DDX19B: variants seen among roughly 807,000 people sequenced by gnomAD.
DDX19B encodes the protein ATP-dependent RNA helicase DDX19B.
Under a neutral mutation model 58.1 loss-of-function variants are expected in DDX19B, and 27 were observed. The observed-to-expected ratio is 0.46, with a 90% CI of 0.34 to 0.64. The LOEUF is 0.64. Among genes scored for constraint, DDX19B ranks in the 30% least tolerant of loss-of-function variants. The pLI is 0.01. For missense variants in DDX19B, 399 were observed against 596.5 expected, an observed-to-expected ratio of 0.67 and a Z score of 3.45; for synonymous variants, 187 against 214.4, an observed-to-expected ratio of 0.87 and a Z score of 1.12.
intron 9 of DDX19B, among the ~76,000 whole-genome samples, chr16:70,331,068 A>C (rs1337273597): frequency 1.3e-5 from 2 of 152,170 alleles, no homozygotes; most frequent in Non-Finnish European, 2.9e-5. Flanking sequence ...TAAAATTTTA[A>C]AATATATATG....
In DDX19B at chr16:70,333,762, T is replaced by A. The variant is rs1058453; in HGVS notation, c.*180T>A. 1.2e-6 allele frequency: 1 copy of A among 868,316 alleles called. No homozygotes were observed. The highest frequency in any genetic ancestry group is 1.8e-6 in the Non-Finnish European group (1 of 552,610). The allele number at this position is 868,316 out of a possible 1,614,324, so 53.8% of individuals were successfully genotyped here. On this transcript the variant is annotated 3_prime_UTR_variant, in exon 12 of 12. Coordinates refer to ENST00000288071, the MANE Select transcript of DDX19B (RefSeq NM_007242.7). The stretch of plus-strand genomic sequence containing the variant: ...AATGTATGCAAATGATGGGGGATGG[T>A]AGAAAAAAATTATTTACACAACCTT...
In DDX19B at chr16:70,333,938, G is replaced by T; in HGVS notation, c.*356G>T. On this transcript the variant is annotated 3_prime_UTR_variant, in exon 12 of 12. Transcript: ENST00000288071. ...GCCTCTGCTTGTTCTCTGGCTTGGA[G>T]TGGATGGGGCAGCCTCCAGCTCCTG... The T allele has an allele frequency of 2.8e-6, 1 of 363,590 alleles. No homozygotes were observed. The highest frequency in any genetic ancestry group is 5.1e-6 in the Non-Finnish European group (1 of 195,162). The allele number at this position is 363,590 out of a possible 1,614,324, so 22.5% of individuals were successfully genotyped here. A position where few individuals can be genotyped will look rare whatever the true frequency, so the allele number is the denominator to read the frequency against.
intron 1 of DDX19B, among the ~76,000 whole-genome samples, chr16:70,307,562 C>G (rs1961824582): frequency 6.7e-6 from 1 of 150,092 alleles, no homozygotes. Context: ...GGGGTTTCAT[C>G]ATGTTGCCCA....
chr16:70,332,027 CTGTT>C, intron 10 of DDX19B, 143 bp downstream of exon 10: 2 of 1,302,296 alleles, frequency 1.5e-6, no homozygotes, highest in Non-Finnish European at 2.0e-6. Context: ...CTAGGAGAGA[CTGTT>C]TGGATTTCCC....
upstream of DDX19B, among the ~76,000 whole-genome samples, chr16:70,298,342 G>T (rs1961309899): frequency 6.6e-6 from 1 of 151,898 alleles, no homozygotes; most frequent in Non-Finnish European, 1.5e-5. Context: ...GGAGGTGGAG[G>T]TTGCAGTGAG....
At chr16:70,292,745 G>A (rs1961093305), upstream of DDX19B, among the ~76,000 whole-genome samples, 1 of 152,142 alleles carries the variant, frequency 6.6e-6, no homozygotes, top group Admixed American at 6.6e-5. Context: ...GCATGAGAAA[G>A]ATAACCAAAG....
At chr16:70,320,333 C>T (rs975093715) in intron 5 of DDX19B, among the ~76,000 whole-genome samples, 5 of 150,466 alleles carry the variant, frequency 3.3e-5, no homozygotes, top group Admixed American at 6.7e-5. Context: ...GTCTTAATCT[C>T]GTGGCCTCAA....
rs566027585 is a variant in DDX19B at position 70,322,919 on chromosome 16, C to G, written c.390-1666C>G. Among the ~76,000 whole-genome samples, 17 of 151,198 alleles carry G rather than the reference C, an allele frequency of 1.1e-4. No individual in the cohort carries two copies. In the East Asian group the frequency reaches 2.9e-3, roughly 26 times the overall value. On this transcript the variant is annotated intron_variant, in intron 5 of 11. Transcript: ENST00000288071. ...AAAAAAAAAAAAAAAAAAAAAGTCC[C>G]CATAAGGAACAGCTTACTTTTGCCA...
chr16:70,308,106 C>A (rs1330019104), intron 1 of DDX19B, among the ~76,000 whole-genome samples: 1 of 151,404 alleles, frequency 6.6e-6, no homozygotes, highest in Non-Finnish European at 1.5e-5. Context: ...GCACCCACCA[C>A]CATGCCCAGC....
chr16:70,333,948 C>T lies in DDX19B; in HGVS notation c.*366C>T, dbSNP rs997359024. On this transcript the variant is annotated 3_prime_UTR_variant, in exon 12 of 12. Coordinates refer to ENST00000288071, the MANE Select transcript of DDX19B (RefSeq NM_007242.7). The stretch of plus-strand genomic sequence containing the variant: ...GTTCTCTGGCTTGGAGTGGATGGGG[C>T]AGCCTCCAGCTCCTGTGGAAGTAAT... The T allele has an allele frequency of 6.0e-6, 2 of 332,658 alleles. No individual in the cohort carries two copies. The highest frequency in any genetic ancestry group is 3.1e-5 in the South Asian group (1 of 31,954). 20.6% of individuals were successfully genotyped at this position (332,658 alleles called of 1,614,324 possible). A position where few individuals can be genotyped will look rare whatever the true frequency, so the allele number is the denominator to read the frequency against.
upstream of DDX19B, among the ~76,000 whole-genome samples, chr16:70,290,878 T>TA (rs1961042839): frequency 6.6e-6 from 1 of 152,208 alleles, no homozygotes; most frequent in African/African-American, 2.4e-5. Context: ...TGTGTCTATT[T>TA]AACTCCAAAG....
At chr16:70,298,601 G>A (rs187941058), upstream of DDX19B, among the ~76,000 whole-genome samples, 425 of 151,840 alleles carry the variant, frequency 2.8e-3, 1 homozygote, top group Non-Finnish European at 4.3e-3. Flanking sequence ...TGATCCTTCC[G>A]CCTCGGCCTC....
upstream of DDX19B, among the ~76,000 whole-genome samples, chr16:70,291,122 A>G (rs191693625): frequency 7.2e-4 from 109 of 152,322 alleles, 1 homozygote; most frequent in African/African-American, 2.4e-3. Context: ...GTAATCATCA[A>G]ACCTACCATT....
intron 9 of DDX19B, 69 bp downstream of exon 9, chr16:70,330,137 AC>A (rs1460274971): frequency 6.4e-7 from 1 of 1,572,874 alleles, no homozygotes; most frequent in Non-Finnish European, 8.7e-7. Flanking sequence ...GCTCAGGAGG[AC>A]TGGATGCCCC....
At chr16:70,317,698 A>C (rs1233707644) in intron 5 of DDX19B, 110 bp downstream of exon 5, 1 of 867,942 alleles carries the variant, frequency 1.2e-6, no homozygotes, top group Non-Finnish European at 1.7e-6. Flanking sequence ...CAGCAACCTG[A>C]GAGGCAAGGC....
upstream of DDX19B, among the ~76,000 whole-genome samples, chr16:70,296,197 T>A (rs1027284799): frequency 4.0e-5 from 6 of 151,646 alleles, no homozygotes; most frequent in African/African-American, 1.5e-4. Flanking sequence ...AGAGACAGAG[T>A]TTCACCATCT....
intron 5 of DDX19B, among the ~76,000 whole-genome samples, 192 bp from the exon 6 acceptor site, chr16:70,324,393 A>T (rs1963031029): frequency 1.3e-5 from 2 of 148,798 alleles, no homozygotes; most frequent in African/African-American, 5.1e-5. Context: ...AAAAAAGAAG[A>T]AGATGTGGAG....
At chr16:70,316,671 A>G (rs1239742110) in intron 4 of DDX19B, among the ~76,000 whole-genome samples, 1 of 152,178 alleles carries the variant, frequency 6.6e-6, no homozygotes, top group Non-Finnish European at 1.5e-5. Flanking sequence ...ATACATAAAT[A>G]CTGTAGATGC....
chr16:70,318,676 A>G (rs1407743519), intron 5 of DDX19B, among the ~76,000 whole-genome samples: 1 of 151,634 alleles, frequency 6.6e-6, no homozygotes, highest in Non-Finnish European at 1.5e-5. Flanking sequence ...GGCGCCTGTA[A>G]ACCCAGCTAC....
Sources: allele counts gnomAD v4.1 joint callset (sites outside exome capture counted in the v4.1 genomes callset), GRCh38; gene constraint gnomAD v4.1.1; transcripts MANE v1.5; gene names NCBI Gene and HGNC (gene_info 2026-07-23, HGNC 2026-07-21).